Variants in PLCE1 observed in about 807,000 individuals in gnomAD.
PLCE1 encodes phospholipase C epsilon 1, also known as 1-phosphatidylinositol 4,5-bisphosphate phosphodiesterase epsilon-1.
PLCE1 carries 119 observed loss-of-function variants against 242.8 expected under a neutral mutation model. The ratio of observed to expected loss-of-function variants is 0.49; its 90% CI spans 0.42 to 0.57. The LOEUF is 0.57. PLCE1 is among the 20% of genes least tolerant of loss of function. The probability of loss-of-function intolerance (pLI) is 0.00; values close to 1 mark genes in which losing one functional copy is unlikely to be tolerated. For missense variants in PLCE1, 2,441 were observed against 2,788.8 expected (o/e 0.88, Z 2.81); for synonymous variants, 945 against 1,017.4 (o/e 0.93, Z 1.35).
chr10:94,188,054 T>C (rs1161723573), intron 4 of PLCE1, among the ~76,000 whole-genome samples: 1 of 152,096 alleles, frequency 6.6e-6, no homozygotes, highest in Non-Finnish European at 1.5e-5. Context: ...CCCAGTTCCC[T>C]TAAATCACAT....
At position 94,331,755 on chromosome 10, in the gene PLCE1, T is replaced by G. The variant is rs567971426; in HGVS notation, c.*3812T>G. ...ATTTATGTGTTCTCTGCCATCCTTA[T>G]GTAGCAGCTTCCTAAAAGCAATCCT... On this transcript the variant is annotated 3_prime_UTR_variant, in exon 33 of 33. Transcript: ENST00000371380. 1 of 152,200 alleles carries G rather than the reference T, an allele frequency of 6.6e-6. No homozygotes were observed. Among genetic ancestry groups the G allele is most frequent in the East Asian group, 1.9e-4 (1 of 5,196 alleles). The allele number at this position is 152,200 out of a possible 1,614,324, so 9.4% of individuals were successfully genotyped here.
intron 2 of PLCE1, among the ~76,000 whole-genome samples, chr10:94,098,449 TAG>T (rs1309795983): frequency 1.3e-5 from 2 of 152,164 alleles, no homozygotes; most frequent in Non-Finnish European, 2.9e-5. Context: ...TTTTAATAAA[TAG>T]AGACTTCATA....
chr10:94,293,619 T>C lies in PLCE1; in HGVS notation c.5147T>C (p.Phe1716Ser). ...GRMSPGETAS[F>S]NKTSGKSSCE... is the part of the protein sequence containing the mutation. The stretch of plus-strand genomic sequence containing the variant: ...ATGAGCCCAGGGGAGACAGCATCAT[T>C]TAACAAAACATCTGGAAAAAGTAAA... Residue 1716 changes from phenylalanine to serine, a missense_variant, in exon 23 of 33, where the codon TTT becomes TCT. Around this residue, in one of 5 missense-constraint regions of PLCE1, gnomAD observed 1,004 missense variants for 1,322.7 expected, o/e 0.76. Transcript: ENST00000371380. The C allele has an allele frequency of 6.2e-7, 1 of 1,613,864 alleles. No individual in the cohort carries two copies. The highest frequency in any genetic ancestry group is 8.5e-7 in the Non-Finnish European group (1 of 1,179,834).
chr10:94,194,040 G>C (rs576960673), intron 4 of PLCE1, among the ~76,000 whole-genome samples: 1 of 152,236 alleles, frequency 6.6e-6, no homozygotes, highest in African/African-American at 2.4e-5. Context: ...ACTTCACACT[G>C]TTTTAAAGTA....
rs796709138 is a variant in PLCE1 at position 94,132,328 on chromosome 10, G to A, written c.1361G>A (p.Arg454His). 10 of 1,613,748 alleles carry A rather than the reference G, an allele frequency of 6.2e-6. No individual in the cohort carries two copies. The highest frequency in any genetic ancestry group is 2.7e-5 in the African/African-American group (2 of 74,924). The part of the protein sequence containing the change: ...QCVRDTVCEY[R>H]ATLQRTSISQ... ...GTCCGAGACACTGTATGTGAGTATC[G>A]CGCCACCCTCCAAAGGACTTCAATA... The change falls in exon 3 of 33, where the codon CGC (arginine) becomes CAC (histidine). Residue 454 changes from arginine to histidine, a missense_variant. Physicochemically the swap from Arg to His is conservative, Grantham distance 29. Transcript: ENST00000371380.
rs2053582524 is a variant in PLCE1, at chr10:94,316,577, G to C, written c.6163G>C (p.Val2055Leu). Residue 2055 changes from valine (V) to leucine (L), a missense_variant, in exon 29 of 33, where the codon GTT becomes CTT. Val to Leu is a conservative substitution (Grantham distance 32). This residue lies in a region of PLCE1 where 310 missense variants were observed against 317.2 expected (regional missense o/e 0.98). Coordinates refer to ENST00000371380, the MANE Select transcript of PLCE1 (RefSeq NM_016341.4). ...ILTNEQDIKP[V>L]TTDYFLMEEK... is the part of the protein sequence containing the mutation. ...GACAAATGAACAAGACATCAAACCTGTTACCACAGACTATTTTTTGATGGA... is the reference window on the plus strand; with the variant it reads ...GACAAATGAACAAGACATCAAACCTCTTACCACAGACTATTTTTTGATGGA... 6.2e-7 allele frequency: 1 copy of C among 1,608,860 alleles called. No individual in the cohort carries two copies. The highest frequency in any genetic ancestry group is 1.1e-5 in the South Asian group (1 of 90,878).
intron 2 of PLCE1, among the ~76,000 whole-genome samples, chr10:94,088,382 C>A (rs2044925645): frequency 6.6e-6 from 1 of 152,184 alleles, no homozygotes; most frequent in Non-Finnish European, 1.5e-5. Context: ...TGAAGCCTTA[C>A]CAGGTCTCTC....
At chr10:94,292,147 C>G (rs2052664743) in intron 22 of PLCE1, among the ~76,000 whole-genome samples, 1 of 152,154 alleles carries the variant, frequency 6.6e-6, no homozygotes, top group Admixed American at 6.5e-5. Context: ...ACTCAATAGT[C>G]TAAGTTTGTG....
intron 1 of PLCE1, among the ~76,000 whole-genome samples, chr10:94,022,172 G>A (rs781548106): frequency 6.6e-6 from 1 of 151,830 alleles, no homozygotes; most frequent in African/African-American, 2.4e-5. Flanking sequence ...TATTTGCTAG[G>A]AGTAATAATT....
chr10:94,191,372 GC>G (rs953193990), intron 4 of PLCE1, among the ~76,000 whole-genome samples: 8 of 152,104 alleles, frequency 5.3e-5, no homozygotes, highest in African/African-American at 1.9e-4. Context: ...ACGGGCACAG[GC>G]GCTCATGTCT....
chr10:94,163,824 C>G (rs1464122123), intron 3 of PLCE1, among the ~76,000 whole-genome samples: 1 of 152,138 alleles, frequency 6.6e-6, no homozygotes, highest in Non-Finnish European at 1.5e-5. Flanking sequence ...TTAGTGCTTC[C>G]TTCAGGAGCT....
In PLCE1 at chr10:94,069,266, G is replaced by T. The variant is rs182693274; in HGVS notation, c.1206+37014G>T. Among the ~76,000 whole-genome samples, 18 of 152,284 alleles carry T rather than the reference G, an allele frequency of 1.2e-4. No individual in the cohort carries two copies. In the East Asian group the frequency reaches 3.5e-3, roughly 29 times the overall value. On this transcript the variant is annotated intron_variant, in intron 2 of 32. Transcript: ENST00000371380. ...AAATATGGCAAGCTGGCAAAATATA[G>T]GTTCAATTCATGGAATTGAGGTCAA...
chr10:94,182,574 C>G (rs939139696), intron 4 of PLCE1, among the ~76,000 whole-genome samples: 2 of 151,808 alleles, frequency 1.3e-5, no homozygotes, highest in Admixed American at 1.3e-4. Flanking sequence ...CTGGCCCCAT[C>G]TTCATTTCTT....
intron 4 of PLCE1, among the ~76,000 whole-genome samples, chr10:94,214,261 G>C (rs927096134): frequency 1.3e-5 from 2 of 152,104 alleles, no homozygotes; most frequent in Non-Finnish European, 2.9e-5. Context: ...ACTGCAGTAC[G>C]GGCAGTAAGG....
intron 29 of PLCE1, among the ~76,000 whole-genome samples, chr10:94,318,863 C>G (rs926089847): frequency 1.3e-5 from 2 of 152,188 alleles, no homozygotes; most frequent in African/African-American, 4.8e-5. Context: ...GCCTGGCCAA[C>G]ATGGCAAAAC....
rs981852584 is a variant in PLCE1, at chr10:94,174,688, GA to G, written c.1809+3200del. On this transcript the variant is annotated intron_variant, in intron 4 of 32. Transcript: ENST00000371380. Reference sequence around the variant, plus strand: ...AAACACACCACATAAATCTAGCAATGAAAAAAAATATCAGGCAACTCTAAAT... The same window carrying G: ...AAACACACCACATAAATCTAGCAATGAAAAAAATATCAGGCAACTCTAAAT... Among the ~76,000 whole-genome samples the G allele has an allele frequency of 1.3e-4, 20 of 151,598 alleles. No homozygotes were observed. The East Asian group carries it at 3.3e-3, about 25-fold the overall frequency.
At chr10:94,304,031 G>C (rs1458431423) in intron 24 of PLCE1, among the ~76,000 whole-genome samples, 1 of 152,168 alleles carries the variant, frequency 6.6e-6, no homozygotes, top group African/African-American at 2.4e-5. Context: ...AAAGTATGCA[G>C]AAGGATGGTA....
At chr10:94,284,743 A>G in intron 21 of PLCE1, 105 bp from the exon 22 acceptor site, 1 of 752,754 alleles carries the variant, frequency 1.3e-6, no homozygotes, top group South Asian at 1.4e-5. Flanking sequence ...TGCAAGGGGA[A>G]ATACAGTAAT....
chr10:94,061,832 C>G (rs142244283), intron 2 of PLCE1, among the ~76,000 whole-genome samples: 1 of 152,172 alleles, frequency 6.6e-6, no homozygotes, highest in East Asian at 1.9e-4. Flanking sequence ...CTAGTTTTTG[C>G]TGTTACATGC....
Sources: gnomAD v4.1 joint callset for allele counts (sites outside exome capture counted in the v4.1 genomes callset) on GRCh38, gnomAD v4.1.1 for gene constraint, gnomAD v4.1.1 regional missense constraint, MANE v1.5 for transcripts, NCBI Gene and HGNC (gene_info 2026-07-23, HGNC 2026-07-21) for gene names.